The following RTN1 variants were observed in gnomAD, a reference collection of about 807,000 sequenced individuals.
RTN1 encodes the protein reticulon-1.
In RTN1, 25 loss-of-function variants were observed where a neutral mutation model predicts 65.5. That is an observed-to-expected ratio of 0.38 (90% CI 0.28 to 0.53). The LOEUF (loss-of-function observed/expected upper bound fraction) is 0.53. Ranked by LOEUF, RTN1 falls within the 20% of genes least tolerant of loss-of-function variation. RTN1 has a pLI of 0.79. For missense variants in RTN1, 983 were observed against 1,025.4 expected, an observed-to-expected ratio of 0.96 and a Z score of 0.57; for synonymous variants, 471 against 447.6, an observed-to-expected ratio of 1.05 and a Z score of -0.66.
rs544398321 is a variant in RTN1 at position 59,744,172 on chromosome 14, A to C, written c.1015+1536T>G. On this transcript the variant is annotated intron_variant, in intron 2 of 8. Transcript: ENST00000267484. ...CCAACACTTGGATTTGTACTATACC[A>C]TCAGGGTTTAGAGCAATCGCTCCTC... Among the ~76,000 whole-genome samples the C allele has an allele frequency of 8.5e-5, 13 of 152,306 alleles. No individual in the cohort carries two copies. The South Asian group carries it at 2.7e-3, about 32-fold the overall frequency.
At chr14:59,733,899 T>G (rs1392389206) in intron 2 of RTN1, among the ~76,000 whole-genome samples, 1 of 152,222 alleles carries the variant, frequency 6.6e-6, no homozygotes, top group Non-Finnish European at 1.5e-5. Flanking sequence ...ACTGCTTCTT[T>G]AAGTGTGTCC....
Position 59,745,747 on chromosome 14 carries a change from C to A in RTN1, c.976G>T (p.Asp326Tyr), listed in dbSNP as rs141691406. ...GGAGGGGTGATAGATCCTGGGCTGT[C>A]GTCTTCAGGCTCCGAGACAGTGACA... is the stretch of plus-strand genomic sequence containing the variant. ...PTVTVSEPED[D>Y]SPGSITPPSS... is the part of the protein sequence containing the mutation. The change falls in exon 2 of 9, where the codon GAC becomes TAC. Residue 326 changes from aspartate to tyrosine, a missense_variant. Asp to Tyr is a radical substitution (Grantham distance 160). This residue lies in a region of RTN1 where 818 missense variants were observed against 801.8 expected (regional missense o/e 1.02). Coordinates refer to ENST00000267484, the MANE Select transcript of RTN1 (RefSeq NM_021136.3). The A allele has an allele frequency of 7.7e-5, 125 of 1,613,258 alleles. No homozygotes were observed. The African/African-American group carries it at 1.4e-3, about 18-fold the overall frequency.
At chr14:59,791,489 T>C (rs1276335611) in intron 1 of RTN1, among the ~76,000 whole-genome samples, 1 of 152,188 alleles carries the variant, frequency 6.6e-6, no homozygotes, top group Admixed American at 6.5e-5. Flanking sequence ...ACAAGGGGTG[T>C]TAGACTCATT....
At position 59,829,184 on chromosome 14, in the gene RTN1, C is replaced by T. The variant is rs1048041804; in HGVS notation, c.241+41206G>A. 4.6e-5 allele frequency among the ~76,000 whole-genome samples: 7 copies of T among 152,106 alleles called. No homozygotes were observed. The highest frequency in any genetic ancestry group is 1.7e-4 in the African/African-American group (7 of 41,424). ...TAACATTTTAAAGTGCCTTCTACAA[C>T]AATGTTTTGGGAGGGATTTAAGGAT... On this transcript the variant is annotated intron_variant, in intron 1 of 8. Coordinates refer to ENST00000267484, the MANE Select transcript of RTN1 (RefSeq NM_021136.3). This position sits in a 1 kb window ranked among gnomAD's most constrained non-coding sequence, Gnocchi z 4.3.
At chr14:59,744,357 T>C (rs1885173640) in intron 2 of RTN1, among the ~76,000 whole-genome samples, 1 of 152,042 alleles carries the variant, frequency 6.6e-6, no homozygotes. Context: ...CTCATGGACA[T>C]TTGAGAGAGG....
Position 59,838,101 on chromosome 14 carries a change from C to G in RTN1, c.241+32289G>C, listed in dbSNP as rs577748573. On this transcript the variant is annotated intron_variant, in intron 1 of 8. Coordinates refer to ENST00000267484, the MANE Select transcript of RTN1 (RefSeq NM_021136.3). ...AGTTTTTCGGCCTTTGCCCCTATCC[C>G]TCTCTCTCCCCTCTAGTAGTCCTCA... Among the ~76,000 whole-genome samples, 41 of 152,266 alleles carry G rather than the reference C, an allele frequency of 2.7e-4. 2 individuals are homozygous for G. The South Asian group carries it at 8.3e-3, about 31-fold the overall frequency.
At position 59,727,219 on chromosome 14, in the gene RTN1, G is replaced by A. The variant is rs756971718; in HGVS notation, c.1465C>T (p.Pro489Ser). The part of the protein sequence containing the change: ...ESPKREQDSP[P>S]MKPSALDAIR... ...GCATCCAGGGCGCTGGGCTTCATCG[G>A]GGGTGAGTCCTGCTCCCGCTTGGGG... The change falls in exon 3 of 9, where the codon CCG (proline) becomes TCG (serine). Residue 489 changes from proline (P) to serine (S), a missense_variant. By Grantham distance (74) the Pro-to-Ser change is moderately conservative. Transcript: ENST00000267484. This position sits in a 1 kb window ranked among gnomAD's most constrained non-coding sequence, Gnocchi z 4.2. The A allele has an allele frequency of 6.4e-7, 1 of 1,569,682 alleles. No homozygotes were observed. Among genetic ancestry groups the A allele is most frequent in the Non-Finnish European group, 8.6e-7 (1 of 1,158,034 alleles).
At chr14:59,780,529 T>G (rs1886135030) in intron 1 of RTN1, among the ~76,000 whole-genome samples, 1 of 152,128 alleles carries the variant, frequency 6.6e-6, no homozygotes, top group African/African-American at 2.4e-5. Flanking sequence ...GTTATCAAAC[T>G]CAAGAAAAAA....
At chr14:59,733,079 C>T (rs1594707830) in intron 2 of RTN1, among the ~76,000 whole-genome samples, 2 of 145,800 alleles carry the variant, frequency 1.4e-5, no homozygotes, top group Admixed American at 1.4e-4. Context: ...GGTCAGACTG[C>T]TTTTTTTTTT....
intron 3 of RTN1, among the ~76,000 whole-genome samples, chr14:59,644,542 A>G (rs1441810379): frequency 6.6e-6 from 1 of 152,188 alleles, no homozygotes; most frequent in Non-Finnish European, 1.5e-5. Flanking sequence ...GCTTCCTGGC[A>G]AAAGCAGCTG....
chr14:59,673,864 G>A (rs1431158836), intron 3 of RTN1, among the ~76,000 whole-genome samples: 1 of 152,140 alleles, frequency 6.6e-6, no homozygotes, highest in Non-Finnish European at 1.5e-5. Context: ...TCTGTCTCCT[G>A]TTGCTATCAG....
rs566659433 is a variant in RTN1, at chr14:59,750,495, T to A, written c.242-4014A>T. ...ATATAATATATCTATAATATATATA[T>A]TATATCTATAATATATATAATATAT... On this transcript the variant is annotated intron_variant, in intron 1 of 8. Coordinates refer to ENST00000267484, the MANE Select transcript of RTN1 (RefSeq NM_021136.3). Among the ~76,000 whole-genome samples the A allele has an allele frequency of 7.2e-3, 193 of 26,886 alleles. 3 individuals carry two copies. Among genetic ancestry groups the A allele is most frequent in the South Asian group, 0.019 (16 of 864 alleles). 17.6% of individuals were successfully genotyped at this position (26,886 alleles called of 152,430 possible).
intron 3 of RTN1, among the ~76,000 whole-genome samples, chr14:59,653,593 TA>T (rs1883062251): frequency 6.6e-6 from 1 of 151,660 alleles, no homozygotes; most frequent in South Asian, 2.1e-4. Context: ...ATATAAGCAA[TA>T]AAAATATAAG....
intron 1 of RTN1, among the ~76,000 whole-genome samples, chr14:59,840,607 A>G (rs1887293391): frequency 6.6e-6 from 1 of 152,214 alleles, no homozygotes; most frequent in Non-Finnish European, 1.5e-5. Flanking sequence ...TATATCTTAT[A>G]TCACTTCAGA....
At chr14:59,853,683 T>C (rs1016800292) in intron 1 of RTN1, among the ~76,000 whole-genome samples, 1 of 152,102 alleles carries the variant, frequency 6.6e-6, no homozygotes, top group Admixed American at 6.5e-5. Flanking sequence ...TTAACAGTTA[T>C]CATGTCAGGG....
intron 3 of RTN1, among the ~76,000 whole-genome samples, chr14:59,638,021 T>C (rs999230059): frequency 2.6e-5 from 4 of 151,960 alleles, no homozygotes; most frequent in South Asian, 2.1e-4. Flanking sequence ...CCAGCTAATT[T>C]TGGTATTTTT....
At chr14:59,857,694 G>C (rs1489421314) in intron 1 of RTN1, among the ~76,000 whole-genome samples, 4 of 152,180 alleles carry the variant, frequency 2.6e-5, no homozygotes, top group African/African-American at 9.7e-5. Context: ...GCAGGTTTTA[G>C]AATTATCCTC....
chr14:59,712,023 A>C (rs150203071), intron 3 of RTN1, among the ~76,000 whole-genome samples: 215 of 152,310 alleles, frequency 1.4e-3, no homozygotes, highest in Non-Finnish European at 1.7e-3. Context: ...GCACAGAAGA[A>C]AGGGAGCTTG....
At chr14:59,656,340 A>T (rs1883122936) in intron 3 of RTN1, among the ~76,000 whole-genome samples, 1 of 152,216 alleles carries the variant, frequency 6.6e-6, no homozygotes, top group Admixed American at 6.5e-5. Context: ...TTAAAAGGGT[A>T]TGTTTTATGG....
Sources: gnomAD v4.1 joint callset for allele counts (sites outside exome capture counted in the v4.1 genomes callset) on GRCh38, gnomAD v4.1.1 for gene constraint, gnomAD v4.1.1 regional missense constraint, Gnocchi (gnomAD v3.1) non-coding constraint, MANE v1.5 for transcripts, NCBI Gene and HGNC (gene_info 2026-07-23, HGNC 2026-07-21) for gene names.